PITPNM3: variants seen among roughly 807,000 people sequenced by gnomAD.
PITPNM3 encodes the protein membrane-associated phosphatidylinositol transfer protein 3.
In PITPNM3, 26 loss-of-function variants were observed where a neutral mutation model predicts 102.0. The ratio of observed to expected loss-of-function variants is 0.25; its 90% CI spans 0.19 to 0.35. The LOEUF (loss-of-function observed/expected upper bound fraction) is 0.35. Ranked by LOEUF, PITPNM3 falls within the 10% of genes least tolerant of loss-of-function variation. PITPNM3 has a pLI of 1.00. For synonymous variants in PITPNM3, 578 were observed against 558.6 expected, an observed-to-expected ratio of 1.03 and a Z score of -0.49; for missense variants, 1,083 against 1,346.1, an observed-to-expected ratio of 0.80 and a Z score of 3.06.
At chr17:6,466,506 C>T (rs931841500) in intron 14 of PITPNM3, among the ~76,000 whole-genome samples, 10 of 152,082 alleles carry the variant, frequency 6.6e-5, no homozygotes, top group Non-Finnish European at 2.9e-5. Flanking sequence ...TCCGGCATCC[C>T]GAGTCATTAG....
At chr17:6,467,080 CCA>C (rs376496775) in intron 14 of PITPNM3, among the ~76,000 whole-genome samples, 9,282 of 60,928 alleles carry the variant, frequency 0.15, 694 homozygotes, top group Middle Eastern at 0.28. Flanking sequence ...AAAAAAAAAA[CCA>C]AAAAAAAAAA....
intron 3 of PITPNM3, among the ~76,000 whole-genome samples, chr17:6,513,854 T>C (rs1354951419): frequency 6.6e-6 from 1 of 152,216 alleles, no homozygotes. Flanking sequence ...ACAAAGCTAG[T>C]GGACCCCCAC....
At position 6,477,212 on chromosome 17, in the gene PITPNM3, T is replaced by G. The variant is rs147158705; in HGVS notation, c.902A>C (p.Asp301Ala). The change falls in exon 9 of 20, where the codon GAC becomes GCC. Residue 301 changes from aspartate (D) to alanine (A), a missense_variant and splice_region_variant. Asp to Ala is a moderately radical substitution (Grantham distance 126). Around this residue, in one of 5 missense-constraint regions of PITPNM3, gnomAD observed 172 missense variants for 175.6 expected, o/e 0.98. Coordinates refer to ENST00000262483, the MANE Select transcript of PITPNM3 (RefSeq NM_031220.4). ...SRKGSISSTQDTPVAVEEDCS... is the reference protein window; with the variant it reads ...SRKGSISSTQATPVAVEEDCS... ...ATCTTCCTCCACCGCGACTGGGGTG[T>G]CCTTTGGGACCGAACAGGGGACAGG... 1.1e-5 allele frequency: 18 copies of G among 1,613,920 alleles called. No individual in the cohort carries two copies. Among genetic ancestry groups the G allele is most frequent in the Non-Finnish European group, 1.5e-5 (18 of 1,179,944 alleles).
Position 6,477,098 on chromosome 17 carries a change from G to A in PITPNM3, c.1016C>T (p.Pro339Leu), listed in dbSNP as rs112645411. The change falls in exon 9 of 20, where the codon CCG becomes CTG. Residue 339 changes from proline (P) to leucine (L), a missense_variant. By Grantham distance (98) the Pro-to-Leu change is moderately conservative. This residue lies in a region of PITPNM3 where 172 missense variants were observed against 175.6 expected (regional missense o/e 0.98). Coordinates refer to ENST00000262483, the MANE Select transcript of PITPNM3 (RefSeq NM_031220.4). ...LEDEEPKRPL[P>L]RKQSDSSTYD... is the part of the protein sequence containing the mutation. ...GGTGGAGGAGTCGCTCTGTTTCCGC[G>A]GCAACGGCCTCTTGGGCTCCTCATC... The A allele has an allele frequency of 2.2e-5, 36 of 1,614,160 alleles. No homozygotes were observed. The African/African-American group carries it at 3.2e-4, about 14-fold the overall frequency.
At chr17:6,555,790 G>A (rs1910570315) in intron 1 of PITPNM3, among the ~76,000 whole-genome samples, 1 of 152,222 alleles carries the variant, frequency 6.6e-6, no homozygotes, top group Non-Finnish European at 1.5e-5. Flanking sequence ...CAGAGCCCAC[G>A]GGACCCCAGA....
chr17:6,504,503 A>T (rs1907371296), intron 3 of PITPNM3, among the ~76,000 whole-genome samples: 1 of 152,200 alleles, frequency 6.6e-6, no homozygotes, highest in Non-Finnish European at 1.5e-5. Context: ...TCCTGGGGTC[A>T]TGGCCCCCGG....
At chr17:6,515,910 G>C (rs774451368) in intron 3 of PITPNM3, among the ~76,000 whole-genome samples, 40 of 152,188 alleles carry the variant, frequency 2.6e-4, no homozygotes, top group Non-Finnish European at 3.7e-4. Flanking sequence ...GCCTGGCACA[G>C]TGACATACGC....
At chr17:6,552,762 C>CTTTTTTTTTTTT (rs34225911) in intron 1 of PITPNM3, among the ~76,000 whole-genome samples, 2 of 89,012 alleles carry the variant, frequency 2.2e-5, no homozygotes, top group African/African-American at 4.4e-5. Flanking sequence ...CTTTCTTTTT[C>CTTTTTTTTTTTT]TTTTTTTTTT....
chr17:6,477,303 C>A (rs1905367094), intron 8 of PITPNM3, 90 bp from the exon 9 acceptor site: 1 of 1,339,184 alleles, frequency 7.5e-7, no homozygotes, highest in Admixed American at 1.8e-5. Context: ...CACAAACCAA[C>A]CCCTTCATCC....
chr17:6,549,054 ACC>A, intron 1 of PITPNM3, among the ~76,000 whole-genome samples: 1 of 151,278 alleles, frequency 6.6e-6, no homozygotes. Flanking sequence ...GGCTCCCAAC[ACC>A]CCCAGGAACC....
intron 4 of PITPNM3, among the ~76,000 whole-genome samples, chr17:6,488,995 C>T (rs1906266938): frequency 1.3e-5 from 2 of 152,168 alleles, no homozygotes; most frequent in African/African-American, 2.4e-5. Flanking sequence ...CCACTAGCTC[C>T]ACATCAGGAG....
At chr17:6,490,284 G>A (rs1477765392) in intron 4 of PITPNM3, among the ~76,000 whole-genome samples, 2 of 152,094 alleles carry the variant, frequency 1.3e-5, no homozygotes, top group African/African-American at 2.4e-5. Flanking sequence ...TAGAGTCCTC[G>A]GATGGGAAAC....
rs201665634 is a variant in PITPNM3, at chr17:6,472,661, G to T, written c.1425C>A (p.Leu475=). The stretch of plus-strand genomic sequence containing the variant: ...CTCCCACCCCCAAGAACCTACCGAG[G>T]AGGAGGGACTGCCCATCGCCCAGTG... ...RFPLGDGQSL[L]LADALHTHSP... The change falls in exon 11 of 20, where the codon CTC becomes CTA. Residue 475 remains leucine (L), a synonymous_variant. Transcript: ENST00000262483. The surrounding 1 kb of genome is among the most constrained non-coding windows in gnomAD (Gnocchi z 4.1). 240 of 1,612,740 alleles carry T rather than the reference G, an allele frequency of 1.5e-4. No homozygotes were observed. The Admixed American group carries it at 4.0e-3, about 27-fold the overall frequency.
chr17:6,547,805 G>A (rs759285306), intron 1 of PITPNM3, among the ~76,000 whole-genome samples: 9 of 151,256 alleles, frequency 6.0e-5, no homozygotes, highest in Non-Finnish European at 8.8e-5. Flanking sequence ...CCACGATCTC[G>A]GCTCACTGCA....
intron 1 of PITPNM3, among the ~76,000 whole-genome samples, chr17:6,547,210 G>A (rs1473182653): frequency 6.7e-6 from 1 of 150,226 alleles, no homozygotes; most frequent in Admixed American, 6.6e-5. Context: ...AGGGGTAAGG[G>A]GAGTCTCCAA....
At chr17:6,515,939 G>A (rs181651699) in intron 3 of PITPNM3, among the ~76,000 whole-genome samples, 1 of 152,196 alleles carries the variant, frequency 6.6e-6, no homozygotes, top group Non-Finnish European at 1.5e-5. Flanking sequence ...CTAGCACTTT[G>A]AGAGGCTGAG....
intron 2 of PITPNM3, 58 bp from the exon 3 acceptor site, chr17:6,525,521 T>G: frequency 1.6e-6 from 2 of 1,281,152 alleles, no homozygotes; most frequent in Non-Finnish European, 2.3e-6. Flanking sequence ...GGTAGCCCTA[T>G]CAGGAGCTTA....
chr17:6,543,468 C>T (rs1410597810), intron 1 of PITPNM3, among the ~76,000 whole-genome samples: 1 of 152,232 alleles, frequency 6.6e-6, no homozygotes, highest in Non-Finnish European at 1.5e-5. Context: ...AAGGGAGATG[C>T]CTCCCCCATG....
At chr17:6,475,611 TG>T (rs1008663490) in intron 9 of PITPNM3, among the ~76,000 whole-genome samples, 1 of 152,240 alleles carries the variant, frequency 6.6e-6, no homozygotes, top group African/African-American at 2.4e-5. Context: ...ATGACTCTGA[TG>T]TTTAACAATA....
Sources: allele counts gnomAD v4.1 joint callset (sites outside exome capture counted in the v4.1 genomes callset), GRCh38; gene constraint gnomAD v4.1.1; regional missense constraint gnomAD v4.1.1; non-coding constraint Gnocchi (gnomAD v3.1); transcripts MANE v1.5; gene names NCBI Gene and HGNC (gene_info 2026-07-23, HGNC 2026-07-21).